The following CADM2 variants were observed in gnomAD, a reference collection of about 807,000 sequenced individuals.
CADM2 encodes immunoglobulin superfamily member 4D.
CADM2 carries 12 observed loss-of-function variants against 49.8 expected under a neutral mutation model. The ratio of observed to expected loss-of-function variants is 0.24; its 90% CI spans 0.15 to 0.39. The LOEUF (loss-of-function observed/expected upper bound fraction) is 0.39, where lower values mean the gene tolerates loss of function less well. Among genes scored for constraint, CADM2 ranks in the 10% least tolerant of loss-of-function variants. CADM2 has a pLI of 1.00. For missense variants in CADM2, 378 were observed against 492.3 expected (o/e 0.77, Z 2.20); for synonymous variants, 214 against 175.4 (o/e 1.22, Z -1.74).
chr3:85,234,154 G>C (rs2042360295), intron 1 of CADM2, among the ~76,000 whole-genome samples: 1 of 151,990 alleles, frequency 6.6e-6, no homozygotes, highest in Non-Finnish European at 1.5e-5. Flanking sequence ...TGTGAAGCAA[G>C]GACTTGAACT....
chr3:85,975,420 T>A (rs922157301), intron 8 of CADM2, among the ~76,000 whole-genome samples: 1 of 151,396 alleles, frequency 6.6e-6, no homozygotes, highest in Non-Finnish European at 1.5e-5. Flanking sequence ...AATTCTGATT[T>A]TGATGAACTT....
Position 85,216,300 on chromosome 3 carries a change from TTA to T in CADM2, c.61+256640_61+256641del, listed in dbSNP as rs533622560. ...TTAAATATATTTATATTTAATATAT[TTA>T]TATATATTTAACATATTAATATATA... On this transcript the variant is annotated intron_variant, in intron 1 of 9. Transcript: ENST00000383699. Among the ~76,000 whole-genome samples, 1,042 of 146,968 alleles carry T rather than the reference TTA, an allele frequency of 7.1e-3. 10 individuals are homozygous for T. Among genetic ancestry groups the T allele is most frequent in the African/African-American group, 0.024 (949 of 40,342 alleles).
intron 1 of CADM2, among the ~76,000 whole-genome samples, chr3:85,491,779 A>G (rs2107647872): frequency 6.6e-6 from 1 of 151,842 alleles, no homozygotes; most frequent in South Asian, 2.1e-4. Context: ...GTGAAACCCC[A>G]TCTCTACTAA....
chr3:85,224,613 C>T (rs1222573411), intron 1 of CADM2, among the ~76,000 whole-genome samples: 2 of 152,104 alleles, frequency 1.3e-5, no homozygotes, highest in Non-Finnish European at 1.5e-5. Flanking sequence ...TAATTAGATC[C>T]CATTTGTCAA....
intron 3 of CADM2, among the ~76,000 whole-genome samples, chr3:85,841,340 T>C (rs1477496173): frequency 2.6e-5 from 4 of 151,844 alleles, no homozygotes; most frequent in Non-Finnish European, 5.9e-5. Flanking sequence ...ACGAGCCCAG[T>C]GCCTTATGAA....
At chr3:85,897,961 C>G (rs1715477566) in intron 5 of CADM2, among the ~76,000 whole-genome samples, 1 of 151,858 alleles carries the variant, frequency 6.6e-6, no homozygotes, top group Non-Finnish European at 1.5e-5. Flanking sequence ...TTTTATGTTC[C>G]TTTATTTATA....
chr3:85,031,967 G>A (rs913595338), intron 1 of CADM2, among the ~76,000 whole-genome samples: 1 of 152,166 alleles, frequency 6.6e-6, no homozygotes, highest in Non-Finnish European at 1.5e-5. Flanking sequence ...AGCAAAGACT[G>A]TATCTCATGT....
chr3:84,971,101 C>T (rs190667456), intron 1 of CADM2, among the ~76,000 whole-genome samples: 17 of 152,052 alleles, frequency 1.1e-4, no homozygotes, highest in African/African-American at 3.1e-4. Flanking sequence ...GACTTTTAGT[C>T]GTAATGATTC....
chr3:85,834,510 T>G (rs2074320690), intron 3 of CADM2, among the ~76,000 whole-genome samples: 1 of 151,670 alleles, frequency 6.6e-6, no homozygotes, highest in African/African-American at 2.4e-5. Context: ...ATGTATGGAC[T>G]TGTGTTGTTA....
At chr3:85,050,129 T>C (rs904079358) in intron 1 of CADM2, among the ~76,000 whole-genome samples, 2 of 152,144 alleles carry the variant, frequency 1.3e-5, no homozygotes, top group Non-Finnish European at 2.9e-5. Flanking sequence ...TGTTGGGGGC[T>C]ATGTATTAGT....
At chr3:85,624,664 A>G (rs1009856889) in intron 1 of CADM2, among the ~76,000 whole-genome samples, 1 of 152,118 alleles carries the variant, frequency 6.6e-6, no homozygotes, top group African/African-American at 2.4e-5. Flanking sequence ...AATAGATCAT[A>G]CAAGCTAGTC....
chr3:86,065,177 T>C (rs776859589), intron 8 of CADM2, among the ~76,000 whole-genome samples: 1 of 152,208 alleles, frequency 6.6e-6, no homozygotes, highest in Admixed American at 6.5e-5. Flanking sequence ...TAATAACATT[T>C]ATATAATGAT....
chr3:85,632,589 T>C (rs1321681795), intron 1 of CADM2, among the ~76,000 whole-genome samples: 2 of 152,116 alleles, frequency 1.3e-5, no homozygotes, highest in African/African-American at 4.8e-5. Context: ...ATTTCAGCTA[T>C]AAATGTAGAA....
chr3:85,512,847 T>G (rs2060803953), intron 1 of CADM2, among the ~76,000 whole-genome samples: 1 of 152,032 alleles, frequency 6.6e-6, no homozygotes, highest in Admixed American at 6.6e-5. Context: ...AGGAATAAAC[T>G]TCTCTGTAAA....
chr3:85,919,100 C>T (rs1318177863), intron 6 of CADM2, among the ~76,000 whole-genome samples: 1 of 152,022 alleles, frequency 6.6e-6, no homozygotes, highest in Middle Eastern at 3.4e-3. Flanking sequence ...CATTTTAATA[C>T]TGTAACTAAG....
At chr3:85,820,724 G>A (rs991940447) in intron 3 of CADM2, among the ~76,000 whole-genome samples, 2 of 152,032 alleles carry the variant, frequency 1.3e-5, no homozygotes, top group Non-Finnish European at 2.9e-5. Flanking sequence ...ATATGAGTCT[G>A]GAGTCCACAG....
chr3:85,979,983 A>G (rs1451074828), intron 8 of CADM2, among the ~76,000 whole-genome samples: 1 of 151,476 alleles, frequency 6.6e-6, no homozygotes, highest in Non-Finnish European at 1.5e-5. Context: ...AGAAGTAACT[A>G]TGTTGTGGTT....
chr3:85,762,158 A>G (rs1577249222), intron 2 of CADM2, among the ~76,000 whole-genome samples: 1 of 152,176 alleles, frequency 6.6e-6, no homozygotes, highest in South Asian at 2.1e-4. Flanking sequence ...GTTACAGTGC[A>G]ATCAGAAACC....
chr3:86,014,708 T>C (rs892954097), intron 8 of CADM2: 2 of 1,523,372 alleles, frequency 1.3e-6, no homozygotes, highest in Non-Finnish European at 1.8e-6. Context: ...AGGAACACCA[T>C]GCTGACATGT....
Sources: gnomAD v4.1 joint callset for allele counts (sites outside exome capture counted in the v4.1 genomes callset) on GRCh38, gnomAD v4.1.1 for gene constraint, MANE v1.5 for transcripts, NCBI Gene and HGNC (gene_info 2026-07-23, HGNC 2026-07-21) for gene names.